Variants in GNAS observed in about 807,000 individuals in gnomAD.
GNAS encodes the protein GNAS complex locus.
In GNAS, 8 loss-of-function variants were observed where a neutral mutation model predicts 54.5. The observed-to-expected ratio is 0.15, with a 90% confidence interval of 0.09 to 0.26. GNAS has a LOEUF of 0.26. GNAS is among the 10% of genes least tolerant of loss of function. The pLI is 1.00. For synonymous variants in GNAS, 204 were observed against 191.4 expected, an observed-to-expected ratio of 1.07 and a Z score of -0.54; for missense variants, 170 against 529.8, an observed-to-expected ratio of 0.32 and a Z score of 6.67.
chr20:58,850,595 G>A (rs1019165153), intron 1 of GNAS: 25 of 398,676 alleles, frequency 6.3e-5, no homozygotes, highest in South Asian at 1.3e-4. Flanking sequence ...GCTGCTCCTC[G>A]CAGTAAGCCC....
chr20:58,910,739 C>T lies in GNAS; in HGVS notation c.1095C>T (p.Cys365=), dbSNP rs142938710. 1.5e-5 allele frequency: 25 copies of T among 1,613,932 alleles called. No individual in the cohort carries two copies. The highest frequency in any genetic ancestry group is 7.7e-5 in the South Asian group (7 of 91,088). ...ACTACTGCTACCCTCATTTCACCTGCGCTGTGGACACTGAGAACATCCGCC... is the reference window on the plus strand; with the variant it reads ...ACTACTGCTACCCTCATTTCACCTGTGCTGTGGACACTGAGAACATCCGCC... The part of the protein sequence containing the change: ...GRHYCYPHFT[C]AVDTENIRRV... The change falls in exon 13 of 13, where the codon TGC becomes TGT. Residue 365 remains cysteine, a synonymous_variant. Transcript: ENST00000371085. The surrounding 1 kb of genome is among the most constrained non-coding windows in gnomAD (Gnocchi z 5.8).
intron 1 of GNAS, among the ~76,000 whole-genome samples, chr20:58,847,139 AG>A (rs1258431369): frequency 6.6e-6 from 1 of 152,246 alleles, no homozygotes; most frequent in Non-Finnish European, 1.5e-5. Context: ...CCTTTTGAGA[AG>A]GTTGCTGAGC....
At chr20:58,896,629 A>G (rs1568995499) in intron 2 of GNAS, among the ~76,000 whole-genome samples, 2 of 152,138 alleles carry the variant, frequency 1.3e-5, no homozygotes, top group East Asian at 1.9e-4. Context: ...TGTAAAAAAA[A>G]AAAAAGAAAA....
intron 1 of GNAS, chr20:58,884,943 C>G (rs1438392864): frequency 6.6e-6 from 1 of 152,250 alleles, no homozygotes. Flanking sequence ...GCTGATGGGT[C>G]TGCCTTTTGG....
upstream of GNAS, among the ~76,000 whole-genome samples, chr20:58,891,054 G>C (rs1341906696): frequency 6.6e-6 from 1 of 150,566 alleles, no homozygotes; most frequent in East Asian, 2.1e-4. Context: ...CGTTGGCGTC[G>C]TGCGAGGGGT....
intron 1 of GNAS, among the ~76,000 whole-genome samples, chr20:58,870,030 T>C (rs2087334977): frequency 6.6e-6 from 1 of 152,210 alleles, no homozygotes; most frequent in South Asian, 2.1e-4. Flanking sequence ...GTCATCTATT[T>C]GAGAAGGGCC....
chr20:58,865,527 ATC>A (rs1199986840), intron 1 of GNAS, among the ~76,000 whole-genome samples: 7 of 146,096 alleles, frequency 4.8e-5, no homozygotes, highest in African/African-American at 1.8e-4. Context: ...AATATATATC[ATC>A]TATAATATAA....
intron 1 of GNAS, chr20:58,854,595 G>A (rs747204578): frequency 1.2e-5 from 19 of 1,543,818 alleles, no homozygotes; most frequent in African/African-American, 8.3e-5. Context: ...TCCCGACTCC[G>A]GGGCGGCCCC....
chr20:58,896,782 T>C (rs566352512), intron 2 of GNAS, among the ~76,000 whole-genome samples: 1 of 152,246 alleles, frequency 6.6e-6, no homozygotes, highest in South Asian at 2.1e-4. Flanking sequence ...TTTCTTAAAC[T>C]TGGATTCGAT....
At chr20:58,846,777 G>A (rs2085956096) in intron 1 of GNAS, among the ~76,000 whole-genome samples, 1 of 152,178 alleles carries the variant, frequency 6.6e-6, no homozygotes, top group Non-Finnish European at 1.5e-5. Context: ...GGTAATTGAG[G>A]TTGTTCTAGA....
intron 1 of GNAS, among the ~76,000 whole-genome samples, chr20:58,893,039 C>T (rs187672974): frequency 7.0e-6 from 1 of 141,956 alleles, no homozygotes; most frequent in Admixed American, 7.0e-5. Flanking sequence ...CTGTAAATGG[C>T]TTCTTGGTCT....
intron 2 of GNAS, chr20:58,897,668 T>C (rs1466668003): frequency 6.6e-6 from 1 of 152,200 alleles, no homozygotes; most frequent in Non-Finnish European, 1.5e-5. Flanking sequence ...TTCTGTTTTC[T>C]TTTTGGAAAG....
chr20:58,861,445 T>C (rs182375131), intron 1 of GNAS, among the ~76,000 whole-genome samples: 4 of 152,314 alleles, frequency 2.6e-5, no homozygotes, highest in Admixed American at 6.5e-5. Flanking sequence ...CCTTCACAGA[T>C]TTCATTAAAT....
intron 1 of GNAS, among the ~76,000 whole-genome samples, chr20:58,876,373 AAGTC>A (rs1264418124): frequency 2.0e-5 from 3 of 152,168 alleles, no homozygotes; most frequent in Admixed American, 6.5e-5. Context: ...GCAGAGTTCA[AAGTC>A]ACTCAGAGGG....
chr20:58,911,057 C>T lies in GNAS; in HGVS notation c.*228C>T. ...AAAAGGAAAAAAGGCCACAAAAGTT[C>T]CCTCTCACTTTCAGTAAAAATAAAT... On this transcript the variant is annotated 3_prime_UTR_variant, in exon 13 of 13. Transcript: ENST00000371085. The T allele has an allele frequency of 1.5e-6, 1 of 669,638 alleles. No individual in the cohort carries two copies. The highest frequency in any genetic ancestry group is 2.7e-6 in the Non-Finnish European group (1 of 366,702). 41.5% of individuals were successfully genotyped at this position (669,638 alleles called of 1,614,324 possible). A position where few individuals can be genotyped will look rare whatever the true frequency, so the allele number is the denominator to read the frequency against.
rs181363339 is a variant in GNAS, at chr20:58,854,913, G to A, written c.43+14027G>A. ...TACTCCGCGGCCTACTCGCGCGTCT[G>A]CCTGGCGGGGCAAGTCCGAGAGCAG... On this transcript the variant is annotated intron_variant, in intron 1 of 12. Transcript: ENST00000306090. The A allele has an allele frequency of 1.9e-5, 30 of 1,598,032 alleles. No homozygotes were observed. The highest frequency in any genetic ancestry group is 3.3e-4 in the Middle Eastern group (2 of 6,044).
rs143032209 is a variant in GNAS, at chr20:58,878,015, A to G, written c.44-17597A>G. Among the ~76,000 whole-genome samples the G allele has an allele frequency of 1.5e-3, 229 of 152,308 alleles. 1 individual carries two copies. Among genetic ancestry groups the G allele is most frequent in the African/African-American group, 5.1e-3 (214 of 41,562 alleles). ...GAGAGGGCGGAAAAAAAACAAAAACAAAGAAGGTGCATTATTTTGTGTTTC... is the reference window on the plus strand; with the variant it reads ...GAGAGGGCGGAAAAAAAACAAAAACGAAGAAGGTGCATTATTTTGTGTTTC... On this transcript the variant is annotated intron_variant, in intron 1 of 12. Transcript: ENST00000306090.
chr20:58,896,191 CAG>C (rs1242157091), intron 2 of GNAS, among the ~76,000 whole-genome samples: 2 of 152,088 alleles, frequency 1.3e-5, no homozygotes, highest in Non-Finnish European at 2.9e-5. Context: ...TCACCAGAAA[CAG>C]ATGTGGAAGT....
chr20:58,893,032 TAAATGGCTTCTTGGTCTGG>T (rs1555884816), intron 1 of GNAS, among the ~76,000 whole-genome samples: 2 of 149,852 alleles, frequency 1.3e-5, no homozygotes, highest in Non-Finnish European at 3.0e-5. Context: ...CATTTGTCTG[TAAATGGCTTCTTGGTCTGG>T]AAATGGCGTG....
Sources: gnomAD v4.1 joint callset for allele counts (sites outside exome capture counted in the v4.1 genomes callset) on GRCh38, gnomAD v4.1.1 for gene constraint, Gnocchi (gnomAD v3.1) non-coding constraint, MANE v1.5 for transcripts, NCBI Gene and HGNC (gene_info 2026-07-23, HGNC 2026-07-21) for gene names.